Variants in SACS observed in about 807,000 individuals in gnomAD.
The protein encoded by SACS is sacsin molecular chaperone, also known as sacsin.
In SACS, 197 loss-of-function variants were observed where a neutral mutation model predicts 348.0. The ratio of observed to expected loss-of-function variants is 0.57; its 90% confidence interval spans 0.50 to 0.64. SACS has a LOEUF of 0.64. Among genes scored for constraint, SACS ranks in the 30% least tolerant of loss-of-function variants. SACS has a pLI of 0.00. For synonymous variants in SACS, 1,985 were observed against 1,910.6 expected (o/e 1.04, Z -1.02); for missense variants, 4,999 against 5,360.8 (o/e 0.93, Z 2.11).
At chr13:23,410,512 T>C (rs1346013199) in intron 2 of SACS, among the ~76,000 whole-genome samples, 2 of 152,230 alleles carry the variant, frequency 1.3e-5, no homozygotes, top group Non-Finnish European at 2.9e-5. Context: ...TTTGTTGATA[T>C]CTTTAGGTTA....
intron 4 of SACS, among the ~76,000 whole-genome samples, chr13:23,369,354 A>C (rs1417959623): frequency 2.6e-5 from 4 of 152,214 alleles, no homozygotes; most frequent in Non-Finnish European, 5.9e-5. Flanking sequence ...ACAGGGCTGT[A>C]GGAAGAACAA....
Position 23,335,562 on chromosome 13 carries a change from CATCT to C in SACS, c.8310_8313del (p.Asp2771GlufsTer4). On this transcript the variant is annotated frameshift_variant, in exon 10 of 10. Coordinates refer to ENST00000382292, the MANE Select transcript of SACS (RefSeq NM_014363.6). LOFTEE classifies it high-confidence loss of function. The surrounding 1 kb of genome is among the most constrained non-coding windows in gnomAD (Gnocchi z 4.7). The stretch of plus-strand genomic sequence containing the variant: ...AATTGTTTCCTTTTCAATCTGTCTC[CATCT>C]GTGATTTTGCCCTTTACTGAATACA... 6.2e-7 allele frequency: 1 copy of C among 1,613,758 alleles called. No homozygotes were observed. Among genetic ancestry groups the C allele is most frequent in the Non-Finnish European group, 8.5e-7 (1 of 1,179,900 alleles).
At chr13:23,375,952 C>A (rs1871778242) in intron 2 of SACS, among the ~76,000 whole-genome samples, 1 of 152,190 alleles carries the variant, frequency 6.6e-6, no homozygotes, top group African/African-American at 2.4e-5. Flanking sequence ...GACTTTCATT[C>A]CATGGAAGCA....
In SACS at chr13:23,330,345, C is replaced by G. The variant is rs1883386137; in HGVS notation, c.13531G>C (p.Glu4511Gln). The G allele has an allele frequency of 1.2e-6, 2 of 1,614,026 alleles. No individual in the cohort carries two copies. Among genetic ancestry groups the G allele is most frequent in the Non-Finnish European group, 8.5e-7 (1 of 1,180,028 alleles). Reference sequence around the variant, plus strand: ...AGTCCTTCAAGTTGCTGACTATATTCCTCTATTTTCTGAGCAAGTGCAGTT... The same window carrying G: ...AGTCCTTCAAGTTGCTGACTATATTGCTCTATTTTCTGAGCAAGTGCAGTT... Reference protein sequence around the residue: ...KPTALAQKIEEYSQQLEGLTN... With the variant: ...KPTALAQKIEQYSQQLEGLTN... The change falls in exon 10 of 10, where the codon GAA (glutamate) becomes CAA (glutamine). Residue 4511 changes from glutamate (E) to glutamine (Q), a missense_variant. Glu to Gln is a conservative substitution (Grantham distance 29). This residue lies in a region of SACS where 254 missense variants were observed against 275.1 expected (regional missense o/e 0.92). Coordinates refer to ENST00000382292, the MANE Select transcript of SACS (RefSeq NM_014363.6).
rs1252054998 is a variant in SACS at position 23,332,744 on chromosome 13, G to A, written c.11132C>T (p.Ala3711Val). Residue 3711 changes from alanine (A) to valine (V), a missense_variant, in exon 10 of 10, where the codon GCT becomes GTT. Physicochemically the swap from Ala to Val is moderately conservative, Grantham distance 64 (BLOSUM62 0). Around this residue, in one of 6 missense-constraint regions of SACS, gnomAD observed 831 missense variants for 941.8 expected, o/e 0.88. Coordinates refer to ENST00000382292, the MANE Select transcript of SACS (RefSeq NM_014363.6). Reference sequence around the variant, plus strand: ...TTGTTCTTTAATGCTTAAGGGTGTAGCTTTCTCTGGAAGAATAGGGCAGGA... The same window carrying A: ...TTGTTCTTTAATGCTTAAGGGTGTAACTTTCTCTGGAAGAATAGGGCAGGA... ...WTSCPILPEK[A>V]TPLSIKEQEG... is the part of the protein sequence containing the mutation. 2 of 1,614,022 alleles carry A rather than the reference G, an allele frequency of 1.2e-6. No homozygotes were observed. The highest frequency in any genetic ancestry group is 1.7e-6 in the Non-Finnish European group (2 of 1,179,950).
At chr13:23,382,368 C>T (rs976554352) in intron 2 of SACS, among the ~76,000 whole-genome samples, 17 of 152,000 alleles carry the variant, frequency 1.1e-4, no homozygotes, top group African/African-American at 3.9e-4. Flanking sequence ...GGAATGGATC[C>T]ATAAAAAGCA....
At chr13:23,343,313 GAAAT>G (rs1229194929) in intron 9 of SACS, among the ~76,000 whole-genome samples, 1 of 152,026 alleles carries the variant, frequency 6.6e-6, no homozygotes, top group Non-Finnish European at 1.5e-5. Flanking sequence ...TTTTCCCAGA[GAAAT>G]AAAAAACATC....
At position 23,374,164 on chromosome 13, in the gene SACS, C is replaced by T. The variant is rs549475981; in HGVS notation, c.171+955G>A. 2.0e-5 allele frequency: 3 copies of T among 152,346 alleles called. No homozygotes were observed. In the South Asian group the frequency reaches 6.2e-4, roughly 32 times the overall value. 9.4% of individuals were successfully genotyped at this position (152,346 alleles called of 1,614,324 possible). A position where few individuals can be genotyped will look rare whatever the true frequency, so the allele number is the denominator to read the frequency against. On this transcript the variant is annotated intron_variant, in intron 3 of 9. Transcript: ENST00000382292. ...GTCAATGTCTGCATGCCAACGAACACCTTGGGGAACTGATCAGAAGGACTG... is the reference window on the plus strand; with the variant it reads ...GTCAATGTCTGCATGCCAACGAACATCTTGGGGAACTGATCAGAAGGACTG...
At chr13:23,369,280 C>T (rs1278628189) in intron 4 of SACS, among the ~76,000 whole-genome samples, 1 of 152,118 alleles carries the variant, frequency 6.6e-6, no homozygotes, top group Non-Finnish European at 1.5e-5. Context: ...ACTTCAAGTA[C>T]CTTCAAGCCT....
chr13:23,360,846 C>T (rs1200125503), intron 6 of SACS, among the ~76,000 whole-genome samples: 1 of 151,840 alleles, frequency 6.6e-6, no homozygotes, highest in Non-Finnish European at 1.5e-5. Context: ...CCTCCGCCTC[C>T]CGGGTTCAAG....
chr13:23,368,025 A>C (rs949078063), intron 5 of SACS, among the ~76,000 whole-genome samples: 1 of 152,238 alleles, frequency 6.6e-6, no homozygotes, highest in Admixed American at 6.5e-5. Context: ...ATGGGCATGC[A>C]TTCAAGCCTC....
At chr13:23,389,936 T>C (rs1872463813) in intron 2 of SACS, among the ~76,000 whole-genome samples, 1 of 152,244 alleles carries the variant, frequency 6.6e-6, no homozygotes, top group Admixed American at 6.5e-5. Flanking sequence ...GAAGTCACAA[T>C]AATATGCGAC....
intron 6 of SACS, among the ~76,000 whole-genome samples, chr13:23,363,377 G>A (rs540684207): frequency 2.0e-5 from 3 of 151,596 alleles, no homozygotes; most frequent in South Asian, 4.2e-4. Flanking sequence ...ACAGGTGCCC[G>A]CCACCACACC....
intron 2 of SACS, among the ~76,000 whole-genome samples, chr13:23,380,756 T>G (rs1872020891): frequency 6.6e-6 from 1 of 152,200 alleles, no homozygotes; most frequent in East Asian, 1.9e-4. Flanking sequence ...CTGAACAAGC[T>G]GAAAGCCTTT....
Position 23,340,732 on chromosome 13 carries a change from T to TA in SACS, c.3143dup (p.Ser1049IlefsTer4). ...CAGGGTCAAAGAGTTCACCAGCTGA[T>TA]ACCATCTGTTCCTGTGATATCTGGA... is the stretch of plus-strand genomic sequence containing the variant. On this transcript the variant is annotated frameshift_variant, in exon 10 of 10. Coordinates refer to ENST00000382292, the MANE Select transcript of SACS (RefSeq NM_014363.6). LOFTEE classifies it high-confidence loss of function. 6.2e-7 allele frequency: 1 copy of TA among 1,601,354 alleles called. No individual in the cohort carries two copies. The highest frequency in any genetic ancestry group is 1.7e-4 in the Middle Eastern group (1 of 5,984).
At position 23,334,402 on chromosome 13, in the gene SACS, T is replaced by C. The variant is rs1421120585; in HGVS notation, c.9474A>G (p.Thr3158=). The C allele has an allele frequency of 1.2e-6, 2 of 1,613,350 alleles. No homozygotes were observed. The highest frequency in any genetic ancestry group is 1.3e-5 in the African/African-American group (1 of 75,054). Residue 3158 remains threonine, a synonymous_variant, in exon 10 of 10, where the codon ACA becomes ACG. Transcript: ENST00000382292. ...CAAAAGTTTGCAAAACACTGTCCAG[T>C]GTGATGAGAAGGGGCAATCCCTCAA... The part of the protein sequence containing the change: ...IEVEGLPLLI[T]LDSVLQTFDA...
In SACS at chr13:23,335,486, A is replaced by G. The variant is rs765870212; in HGVS notation, c.8390T>C (p.Ile2797Thr). The G allele has an allele frequency of 1.1e-5, 18 of 1,613,610 alleles. No individual in the cohort carries two copies. Among genetic ancestry groups the G allele is most frequent in the Admixed American group, 1.7e-5 (1 of 59,988 alleles). ...SVTKKRQLKD[I>T]PVQQITYTMD... is the part of the protein sequence containing the mutation. Reference sequence around the variant, plus strand: ...AGTATAGGTTATTTGTTGAACTGGTATGTCTTTGAGCTGCCTCTTTTTAGT... The same window carrying G: ...AGTATAGGTTATTTGTTGAACTGGTGTGTCTTTGAGCTGCCTCTTTTTAGT... The change falls in exon 10 of 10, where the codon ATA becomes ACA. Residue 2797 changes from isoleucine (I) to threonine (T), a missense_variant. Physicochemically the swap from Ile to Thr is moderately conservative, Grantham distance 89. Coordinates refer to ENST00000382292, the MANE Select transcript of SACS (RefSeq NM_014363.6). The surrounding 1 kb of genome is among the most constrained non-coding windows in gnomAD (Gnocchi z 4.7).
At chr13:23,432,226 A>G (rs1874458321) in intron 1 of SACS, among the ~76,000 whole-genome samples, 1 of 152,202 alleles carries the variant, frequency 6.6e-6, no homozygotes. Flanking sequence ...AAGTTCTATA[A>G]TTGGACTTTT....
chr13:23,427,474 C>T (rs1593186527), intron 1 of SACS: 3 of 152,222 alleles, frequency 2.0e-5, no homozygotes, highest in South Asian at 4.1e-4. Flanking sequence ...ATGGGCTTGA[C>T]CCACAGTAGG....
Sources: allele counts gnomAD v4.1 joint callset (sites outside exome capture counted in the v4.1 genomes callset), GRCh38; gene constraint gnomAD v4.1.1; regional missense constraint gnomAD v4.1.1; non-coding constraint Gnocchi (gnomAD v3.1); transcripts MANE v1.5; gene names NCBI Gene and HGNC (gene_info 2026-07-23, HGNC 2026-07-21).